ARHGAP15: variants seen among roughly 807,000 people sequenced by gnomAD.
The protein encoded by ARHGAP15 is rho GTPase-activating protein 15.
Under a neutral mutation model 63.7 loss-of-function variants are expected in ARHGAP15, and 51 were observed. The ratio of observed to expected loss-of-function variants is 0.80; its 90% CI spans 0.64 to 1.01. ARHGAP15 has a LOEUF of 1.01. ARHGAP15 is among the 50% of genes least tolerant of loss of function. The pLI is 0.00. For missense variants in ARHGAP15, 560 were observed against 564.6 expected, an observed-to-expected ratio of 0.99 and a Z score of 0.08; for synonymous variants, 191 against 193.8, an observed-to-expected ratio of 0.99 and a Z score of 0.12.
At chr2:143,688,910 T>C (rs1401083705) in intron 12 of ARHGAP15, among the ~76,000 whole-genome samples, 1 of 152,168 alleles carries the variant, frequency 6.6e-6, no homozygotes. Context: ...CCAGAATATA[T>C]CAAGATAGTA....
At chr2:143,729,586 G>C (rs1685437500) in intron 13 of ARHGAP15, among the ~76,000 whole-genome samples, 1 of 152,146 alleles carries the variant, frequency 6.6e-6, no homozygotes, top group African/African-American at 2.4e-5. Context: ...TCCCTGTAAT[G>C]CTAGAAGCTG....
At chr2:143,228,985 T>C (rs1693333337) in intron 5 of ARHGAP15, among the ~76,000 whole-genome samples, 2 of 152,190 alleles carry the variant, frequency 1.3e-5, no homozygotes, top group Non-Finnish European at 1.5e-5. Context: ...GATCACTAAA[T>C]GCAGCTACTT....
At chr2:143,604,792 G>A (rs187560426) in intron 11 of ARHGAP15, among the ~76,000 whole-genome samples, 12 of 152,288 alleles carry the variant, frequency 7.9e-5, no homozygotes, top group East Asian at 1.9e-4. Context: ...TCGACTCTGC[G>A]CTTTCTCCTA....
intron 6 of ARHGAP15, among the ~76,000 whole-genome samples, chr2:143,322,737 T>C (rs1238562346): frequency 1.3e-5 from 2 of 152,224 alleles, no homozygotes; most frequent in Non-Finnish European, 2.9e-5. Context: ...TTTGTTTACT[T>C]CCCGTCTGAG....
chr2:143,538,792 T>C (rs1429625364), intron 10 of ARHGAP15, among the ~76,000 whole-genome samples: 2 of 152,214 alleles, frequency 1.3e-5, no homozygotes, highest in African/African-American at 2.4e-5. Context: ...CAGTATTTTA[T>C]TGAGGATTTT....
At chr2:143,314,616 A>G (rs1683611706) in intron 6 of ARHGAP15, 1 of 152,226 alleles carries the variant, frequency 6.6e-6, no homozygotes, top group South Asian at 2.1e-4. Context: ...GGGAGAAAAA[A>G]AAAGACTCTT....
intron 2 of ARHGAP15, among the ~76,000 whole-genome samples, chr2:143,182,677 G>A (rs1691286447): frequency 6.6e-6 from 1 of 152,138 alleles, no homozygotes; most frequent in Non-Finnish European, 1.5e-5. Flanking sequence ...CCCTAGTAAG[G>A]CAAATGTTTG....
intron 12 of ARHGAP15, among the ~76,000 whole-genome samples, chr2:143,673,759 T>TGTAC (rs1491280294): frequency 1.4e-4 from 6 of 41,470 alleles, no homozygotes; most frequent in African/African-American, 4.4e-4. Context: ...TGTGTGTGTG[T>TGTAC]ATATATATAT....
At chr2:143,503,194 A>T (rs1464690809) in intron 9 of ARHGAP15, among the ~76,000 whole-genome samples, 4 of 152,248 alleles carry the variant, frequency 2.6e-5, no homozygotes, top group African/African-American at 7.2e-5. Context: ...ACTACAGCAC[A>T]ATAACTGTAT....
At chr2:143,704,088 C>T (rs887277942) in intron 13 of ARHGAP15, 2 of 151,784 alleles carry the variant, frequency 1.3e-5, no homozygotes, top group Non-Finnish European at 2.9e-5. Flanking sequence ...AAATTAAACC[C>T]GAACTGCTAG....
At chr2:143,465,220 A>G (rs1392954881) in intron 8 of ARHGAP15, among the ~76,000 whole-genome samples, 1 of 152,182 alleles carries the variant, frequency 6.6e-6, no homozygotes. Context: ...AAGATGAACA[A>G]AAGCCTGGAG....
chr2:143,400,124 T>C (rs1204080321), intron 6 of ARHGAP15, among the ~76,000 whole-genome samples: 1 of 152,036 alleles, frequency 6.6e-6, no homozygotes, highest in Non-Finnish European at 1.5e-5. Flanking sequence ...AAGCCATTAA[T>C]ATAAACAATG....
At position 143,720,913 on chromosome 2, in the gene ARHGAP15, C is replaced by CA. The variant is rs369774269; in HGVS notation, c.1244+17395dup. ...TGAAACCCCATCTCTACTAAACATACAAAAAATTAGCCAGGCGTGGTGGCG... is the reference window on the plus strand; with the variant it reads ...TGAAACCCCATCTCTACTAAACATACAAAAAAATTAGCCAGGCGTGGTGGCG... On this transcript the variant is annotated intron_variant, in intron 13 of 13. Coordinates refer to ENST00000295095, the MANE Select transcript of ARHGAP15 (RefSeq NM_018460.4). 9.9e-3 allele frequency among the ~76,000 whole-genome samples: 1,506 copies of CA among 151,846 alleles called. 30 individuals carry two copies. Among genetic ancestry groups the CA allele is most frequent in the African/African-American group, 0.035 (1,429 of 41,406 alleles).
chr2:143,323,937 A>G (rs1258892217), intron 6 of ARHGAP15, among the ~76,000 whole-genome samples: 1 of 147,872 alleles, frequency 6.8e-6, no homozygotes, highest in East Asian at 2.0e-4. Flanking sequence ...CTAAATAGGC[A>G]GACAACGGGC....
At chr2:143,433,191 C>T (rs534797467) in intron 6 of ARHGAP15, among the ~76,000 whole-genome samples, 2 of 152,054 alleles carry the variant, frequency 1.3e-5, no homozygotes, top group East Asian at 1.9e-4. Context: ...AATAAAAAAG[C>T]GGGTTGAGGA....
intron 6 of ARHGAP15, among the ~76,000 whole-genome samples, chr2:143,306,133 G>T (rs1214998782): frequency 6.6e-6 from 1 of 152,042 alleles, no homozygotes; most frequent in Non-Finnish European, 1.5e-5. Flanking sequence ...TGGGCAAATT[G>T]TGAATTTCTT....
chr2:143,467,131 C>G (rs1691255663), intron 8 of ARHGAP15, among the ~76,000 whole-genome samples: 1 of 151,110 alleles, frequency 6.6e-6, no homozygotes, highest in African/African-American at 2.4e-5. Flanking sequence ...TTTTCCTTCA[C>G]ATTATAGTAT....
chr2:143,414,859 G>A (rs1688609188), intron 6 of ARHGAP15, among the ~76,000 whole-genome samples: 1 of 152,156 alleles, frequency 6.6e-6, no homozygotes, highest in African/African-American at 2.4e-5. Flanking sequence ...AACCTGGGAG[G>A]CAGAGGTTGC....
intron 11 of ARHGAP15, among the ~76,000 whole-genome samples, chr2:143,619,453 GC>G (rs1291245552): frequency 3.9e-5 from 6 of 152,102 alleles, no homozygotes; most frequent in Non-Finnish European, 8.8e-5. Flanking sequence ...CTGTTTATAA[GC>G]TTTAAGGCAA....
Sources: gnomAD v4.1 joint callset for allele counts (sites outside exome capture counted in the v4.1 genomes callset) on GRCh38, gnomAD v4.1.1 for gene constraint, MANE v1.5 for transcripts, NCBI Gene and HGNC (gene_info 2026-07-23, HGNC 2026-07-21) for gene names.